Variants in TWF1 observed in about 807,000 individuals in gnomAD.
The protein encoded by TWF1 is twinfilin-1.
Under a neutral mutation model 47.9 loss-of-function variants are expected in TWF1, and 14 were observed. The ratio of observed to expected loss-of-function variants is 0.29; its 90% CI spans 0.19 to 0.46. TWF1 has a LOEUF of 0.46. TWF1 is among the 20% of genes least tolerant of loss of function. TWF1 has a pLI of 1.00. For synonymous variants in TWF1, 96 were observed against 139.2 expected (o/e 0.69, Z 2.18); for missense variants, 281 against 409.3 (o/e 0.69, Z 2.70).
intron 3 of TWF1, among the ~76,000 whole-genome samples, chr12:43,802,044 A>T (rs762860420): frequency 5.9e-5 from 9 of 152,060 alleles, no homozygotes; most frequent in Non-Finnish European, 1.3e-4. Context: ...AAGAAAGAAA[A>T]AATTGCCATT....
At chr12:43,801,620 A>G (rs1423285634) in intron 3 of TWF1, among the ~76,000 whole-genome samples, 16 of 152,310 alleles carry the variant, frequency 1.1e-4, no homozygotes, top group Admixed American at 7.8e-4. Flanking sequence ...AATGTATGAT[A>G]ATACTAACAA....
At chr12:43,804,725 C>G (rs7972804) in intron 1 of TWF1, among the ~76,000 whole-genome samples, 153 bp from the exon 2 acceptor site, 4 of 152,048 alleles carry the variant, frequency 2.6e-5, no homozygotes, top group African/African-American at 9.7e-5. Flanking sequence ...CATAAAATAA[C>G]GAAGACTGTA....
intron 3 of TWF1, among the ~76,000 whole-genome samples, chr12:43,800,820 A>G (rs985193598): frequency 6.6e-6 from 1 of 152,096 alleles, no homozygotes; most frequent in African/African-American, 2.4e-5. Flanking sequence ...GCATGATCTC[A>G]GCTCACTGCA....
intron 6 of TWF1, 55 bp downstream of exon 6, chr12:43,797,653 G>A: frequency 6.3e-7 from 1 of 1,576,534 alleles, no homozygotes; most frequent in South Asian, 1.2e-5. Context: ...AACCCTATAT[G>A]AGTCATAAAC....
intron 2 of TWF1, among the ~76,000 whole-genome samples, chr12:43,803,363 T>C (rs1471312857): frequency 6.6e-6 from 1 of 152,068 alleles, no homozygotes; most frequent in African/African-American, 2.4e-5. Flanking sequence ...GAAGCAAAAT[T>C]GTTTAAAGGG....
chr12:43,797,933 A>G (rs779362774), intron 5 of TWF1, 100 bp from the exon 6 acceptor site: 2 of 1,206,120 alleles, frequency 1.7e-6, no homozygotes, highest in Non-Finnish European at 2.3e-6. Flanking sequence ...ATTCAACCCT[A>G]GCCCAACCTA....
chr12:43,801,204 TA>T (rs1327371214), intron 3 of TWF1, among the ~76,000 whole-genome samples: 2 of 152,166 alleles, frequency 1.3e-5, no homozygotes, highest in Non-Finnish European at 2.9e-5. Context: ...GATTACGAAT[TA>T]AGTTGTTAAG....
At chr12:43,800,086 G>A (rs1942631340) in intron 4 of TWF1, among the ~76,000 whole-genome samples, 1 of 151,974 alleles carries the variant, frequency 6.6e-6, no homozygotes, top group African/African-American at 2.4e-5. Context: ...CTATCCACTA[G>A]ATTATATGAC....
intron 2 of TWF1, chr12:43,804,227 C>A: frequency 2.1e-6 from 1 of 482,586 alleles, no homozygotes. Flanking sequence ...TAGAAATGGA[C>A]TGTGGTGCAG....
In TWF1 at chr12:43,795,760, A is replaced by G; in HGVS notation, c.883-5T>C. The stretch of plus-strand genomic sequence containing the variant: ...ATCCCCATTGTCTATCTCGATCTGT[A>G]AAAGATAAAATTAGAAGCACAACAT... On this transcript the variant is annotated splice_region_variant and splice_polypyrimidine_tract_variant and intron_variant, in intron 8 of 8. Transcript: ENST00000395510. 6.2e-7 allele frequency: 1 copy of G among 1,612,084 alleles called. No individual in the cohort carries two copies. Among genetic ancestry groups the G allele is most frequent in the Non-Finnish European group, 8.5e-7 (1 of 1,179,004 alleles).
chr12:43,797,228 A>C lies in TWF1; in HGVS notation c.760+74T>G, dbSNP rs61933174. 0.048 allele frequency: 71,321 copies of C among 1,492,610 alleles called. 2,041 individuals are homozygous for C. The highest frequency in any genetic ancestry group is 0.14 in the Middle Eastern group (566 of 4,162). 92.5% of individuals were successfully genotyped at this position (1,492,610 alleles called of 1,614,324 possible). On this transcript the variant is annotated intron_variant, in intron 7 of 8. Transcript: ENST00000395510. ...TACAGCTAAGCCCTCTGGGCAAGAA[A>C]TAAGTAAGAATATAGGGCTGATACA...
intron 5 of TWF1, among the ~76,000 whole-genome samples, chr12:43,798,348 G>A (rs1198472671): frequency 3.9e-5 from 6 of 152,074 alleles, no homozygotes; most frequent in African/African-American, 1.4e-4. Flanking sequence ...TAAGAACATG[G>A]TGTGCATGTA....
chr12:43,804,633 A>T, intron 1 of TWF1, 61 bp from the exon 2 acceptor site: 1 of 1,186,498 alleles, frequency 8.4e-7, no homozygotes, highest in Non-Finnish European at 1.2e-6. Context: ...TTTCCTATCT[A>T]TATTGGAAAA....
intron 4 of TWF1, among the ~76,000 whole-genome samples, chr12:43,799,736 G>A (rs960851304): frequency 3.3e-5 from 5 of 151,868 alleles, no homozygotes; most frequent in Non-Finnish European, 7.4e-5. Context: ...TAAATATTTT[G>A]TATGAGTTTC....
chr12:43,803,317 A>C lies in TWF1; in HGVS notation c.104-853T>G, dbSNP rs532347959. ...AAAAACAGACTGCACAAGTATCAGA[A>C]CTCCCAATTGTAGTTGCCCCAGGGT... On this transcript the variant is annotated intron_variant, in intron 2 of 8. Coordinates refer to ENST00000395510, the MANE Select transcript of TWF1 (RefSeq NM_002822.5). Among the ~76,000 whole-genome samples, 13 of 152,282 alleles carry C rather than the reference A, an allele frequency of 8.5e-5. No individual in the cohort carries two copies. In the South Asian group the frequency reaches 2.5e-3, roughly 29 times the overall value.
At chr12:43,797,127 T>C (rs765243009) in intron 7 of TWF1, 30 bp from the exon 8 acceptor site, 27 of 1,558,132 alleles carry the variant, frequency 1.7e-5, no homozygotes, top group Non-Finnish European at 2.4e-5. Context: ...CAAATATAAT[T>C]AGCATATCAA....
In TWF1 at chr12:43,804,531, C is replaced by T. The variant is rs760119496; in HGVS notation, c.67G>A (p.Gly23Arg). The T allele has an allele frequency of 1.1e-5, 18 of 1,602,618 alleles. No homozygotes were observed. ...GATATTTTCAGAAGTCTGTACTTTCCATTTCTGGCTCTGGCAAAGATCTCT... is the reference window on the plus strand; with the variant it reads ...GATATTTTCAGAAGTCTGTACTTTCTATTTCTGGCTCTGGCAAAGATCTCT... Reference protein sequence around the residue: ...VKEIFARARNGKYRLLKISIE... With the variant: ...VKEIFARARNRKYRLLKISIE... The change falls in exon 2 of 9, where the codon GGA becomes AGA. Residue 23 changes from glycine (G) to arginine (R), a missense_variant. Coordinates refer to ENST00000395510, the MANE Select transcript of TWF1 (RefSeq NM_002822.5).
rs768245202 is a variant in TWF1 at position 43,795,661 on chromosome 12, G to T, written c.977C>A (p.Pro326Gln). 7 of 1,613,368 alleles carry T rather than the reference G, an allele frequency of 4.3e-6. No individual in the cohort carries two copies. The African/African-American group carries it at 9.3e-5, about 22-fold the overall frequency. The change falls in exon 9 of 9, where the codon CCA becomes CAA. Residue 326 changes from proline (P) to glutamine (Q), a missense_variant. Pro to Gln is a moderately conservative substitution (Grantham distance 76). Transcript: ENST00000395510. ...QHAHKQSFAK[P>Q]KGPAGKRGIR... ...TCCTCTTTTTCCTGCAGGACCTTTTGGTTTTGCAAAACTTTGCTTGTGTGC... is the reference window on the plus strand; with the variant it reads ...TCCTCTTTTTCCTGCAGGACCTTTTTGTTTTGCAAAACTTTGCTTGTGTGC...
intron 2 of TWF1, chr12:43,804,153 T>C: frequency 2.6e-6 from 1 of 386,348 alleles, no homozygotes; most frequent in Non-Finnish European, 5.1e-6. Context: ...CACAAGTAAC[T>C]ATTTTTTTTT....
Sources: gnomAD v4.1 joint callset for allele counts (sites outside exome capture counted in the v4.1 genomes callset) on GRCh38, gnomAD v4.1.1 for gene constraint, MANE v1.5 for transcripts, NCBI Gene and HGNC (gene_info 2026-07-23, HGNC 2026-07-21) for gene names.